Variants in MCF2L2 observed in about 807,000 individuals in gnomAD.
MCF2L2 encodes MCF.2 cell line derived transforming sequence-like 2.
Under a neutral mutation model 150.2 loss-of-function variants are expected in MCF2L2, and 102 were observed. The observed-to-expected ratio is 0.68, with a 90% CI of 0.58 to 0.80. MCF2L2 has a LOEUF of 0.80. Ranked by LOEUF, MCF2L2 falls within the 30% of genes least tolerant of loss-of-function variation. The probability of loss-of-function intolerance (pLI) is 0.00; values close to 1 mark genes in which losing one functional copy is unlikely to be tolerated. For synonymous variants in MCF2L2, 465 were observed against 491.3 expected, an observed-to-expected ratio of 0.95 and a Z score of 0.71; for missense variants, 1,256 against 1,372.8, an observed-to-expected ratio of 0.91 and a Z score of 1.34.
At chr3:183,356,399 G>T (rs1376287471) in intron 3 of MCF2L2, among the ~76,000 whole-genome samples, 1 of 152,116 alleles carries the variant, frequency 6.6e-6, no homozygotes, top group African/African-American at 2.4e-5. Context: ...TGTAGTCCCA[G>T]CTACTCAGGA....
rs556472105 is a variant in MCF2L2, at chr3:183,181,562, C to T, written c.3017-1403G>A. Among the ~76,000 whole-genome samples the T allele has an allele frequency of 1.3e-5, 2 of 152,270 alleles. No homozygotes were observed. The highest frequency in any genetic ancestry group is 4.1e-4 in the South Asian group (2 of 4,830). On this transcript the variant is annotated intron_variant, in intron 27 of 29. Transcript: ENST00000328913. The surrounding 1 kb of genome is among the most constrained non-coding windows in gnomAD (Gnocchi z 4.3). ...GAGCATCTAAGGAAACCCAAGACTC[C>T]TCTTTAGAGAAGTCATCCAGCCCTG...
At position 183,267,693 on chromosome 3, in the gene MCF2L2, A is replaced by C. The variant is rs1726295239; in HGVS notation, c.1862+9179T>G. 6.6e-6 allele frequency among the ~76,000 whole-genome samples: 1 copy of C among 152,216 alleles called. No individual in the cohort carries two copies. The highest frequency in any genetic ancestry group is 2.4e-5 in the African/African-American group (1 of 41,460). On this transcript the variant is annotated intron_variant, in intron 15 of 29. Coordinates refer to ENST00000328913, the MANE Select transcript of MCF2L2 (RefSeq NM_015078.4). The surrounding 1 kb of genome is among the most constrained non-coding windows in gnomAD (Gnocchi z 5.5). The stretch of plus-strand genomic sequence containing the variant: ...AGAGAGCCTACCTTTCCATCCAAGG[A>C]AGTGTTTTACCTGTGGTAAGCACGG...
chr3:183,269,772 CCTAA>C, intron 15 of MCF2L2: 1 of 1,572,576 alleles, frequency 6.4e-7, no homozygotes, highest in Non-Finnish European at 8.6e-7. Flanking sequence ...TAAAACTGAT[CCTAA>C]CTAAAAACAG....
At chr3:183,426,352 G>C (rs1438866286) in intron 1 of MCF2L2, among the ~76,000 whole-genome samples, 2 of 152,230 alleles carry the variant, frequency 1.3e-5, no homozygotes, top group Non-Finnish European at 2.9e-5. Flanking sequence ...GCTTCGCCCT[G>C]AGAGAGGCCC....
chr3:183,246,157 T>G lies in MCF2L2; in HGVS notation c.1863-15140A>C, dbSNP rs1012084443. Among the ~76,000 whole-genome samples the G allele has an allele frequency of 3.9e-5, 6 of 152,336 alleles. No individual in the cohort carries two copies. In the East Asian group the frequency reaches 5.8e-4, roughly 15 times the overall value. On this transcript the variant is annotated intron_variant, in intron 15 of 29. Coordinates refer to ENST00000328913, the MANE Select transcript of MCF2L2 (RefSeq NM_015078.4). Reference sequence around the variant, plus strand: ...AATAATGCTTGCATTTGTATGGCATTTTAGGTATTATAAAGTTTTTTTTAA... The same window carrying G: ...AATAATGCTTGCATTTGTATGGCATGTTAGGTATTATAAAGTTTTTTTTAA...
rs74808142 is a variant in MCF2L2, at chr3:183,278,805, A to G, written c.1777-1848T>C. ...GGAAAAATAACAATGATTCAGGAGT[A>G]GGTAATGGACCTTGTCATCTTTTAC... On this transcript the variant is annotated intron_variant, in intron 14 of 29. Coordinates refer to ENST00000328913, the MANE Select transcript of MCF2L2 (RefSeq NM_015078.4). Among the ~76,000 whole-genome samples the G allele has an allele frequency of 9.7e-3, 1,479 of 152,338 alleles. 21 individuals are homozygous for G. Among genetic ancestry groups the G allele is most frequent in the African/African-American group, 0.034 (1,399 of 41,582 alleles).
Position 183,252,772 on chromosome 3 carries a change from TTC to T in MCF2L2, c.1863-21757_1863-21756del, listed in dbSNP as rs557311428. On this transcript the variant is annotated intron_variant, in intron 15 of 29. Transcript: ENST00000328913. ...AAGTATTTGGGTTAATCTTTTGCTTTTCTGTCATGTTCTGAAATATGTACAAT... is the reference window on the plus strand; with the variant it reads ...AAGTATTTGGGTTAATCTTTTGCTTTTGTCATGTTCTGAAATATGTACAAT... 4.9e-4 allele frequency among the ~76,000 whole-genome samples: 75 copies of T among 152,354 alleles called. 1 individual carries two copies. The highest frequency in any genetic ancestry group is 1.6e-3 in the African/African-American group (67 of 41,584).
intron 15 of MCF2L2, among the ~76,000 whole-genome samples, chr3:183,250,168 C>T (rs1475883173): frequency 6.6e-6 from 1 of 152,184 alleles, no homozygotes; most frequent in African/African-American, 2.4e-5. Context: ...GCATTCAAGT[C>T]CTGTCCATTA....
chr3:183,311,496 G>A (rs1729375496), intron 8 of MCF2L2, 152 bp downstream of exon 8: 6 of 809,722 alleles, frequency 7.4e-6, no homozygotes, highest in South Asian at 3.6e-5. Context: ...CCAGACGGAC[G>A]TATTCTTTTT....
intron 27 of MCF2L2, chr3:183,180,447 CAG>C (rs1721481799): frequency 2.6e-6 from 1 of 391,424 alleles, no homozygotes; most frequent in Non-Finnish European, 4.6e-6. Flanking sequence ...TTGTGTTTGC[CAG>C]TCTTCTAACC....
At chr3:183,336,243 T>G (rs957453269) in intron 5 of MCF2L2, among the ~76,000 whole-genome samples, 3 of 152,102 alleles carry the variant, frequency 2.0e-5, no homozygotes, top group Non-Finnish European at 4.4e-5. Context: ...TAAGTATATA[T>G]AGAGAGAAGC....
At chr3:183,280,308 T>C (rs151255625) in intron 14 of MCF2L2, among the ~76,000 whole-genome samples, 56 of 152,332 alleles carry the variant, frequency 3.7e-4, no homozygotes, top group African/African-American at 1.3e-3. Context: ...CCTAGAGGAA[T>C]TTTGTAAAAA....
intron 15 of MCF2L2, among the ~76,000 whole-genome samples, chr3:183,240,410 G>C (rs1052897408): frequency 6.6e-6 from 1 of 152,084 alleles, no homozygotes; most frequent in African/African-American, 2.4e-5. Context: ...TTGTATTAGG[G>C]GTTTTACCAT....
Position 183,180,065 on chromosome 3 carries a change from A to G in MCF2L2, c.3105+6T>C. 2.5e-6 allele frequency: 4 copies of G among 1,608,832 alleles called. No homozygotes were observed. The highest frequency in any genetic ancestry group is 1.1e-5 in the South Asian group (1 of 90,962). ...AAGATGAAAGAAACAAAAGGGAAGTAATTACACTCAGAGCACTGCTCTCCT... is the reference window on the plus strand; with the variant it reads ...AAGATGAAAGAAACAAAAGGGAAGTGATTACACTCAGAGCACTGCTCTCCT... On this transcript the variant is annotated splice_donor_region_variant and intron_variant, in intron 28 of 29. Coordinates refer to ENST00000328913, the MANE Select transcript of MCF2L2 (RefSeq NM_015078.4).
At chr3:183,289,920 C>T (rs182628017) in intron 13 of MCF2L2, among the ~76,000 whole-genome samples, 1 of 152,296 alleles carries the variant, frequency 6.6e-6, no homozygotes, top group East Asian at 1.9e-4. Context: ...ATATTACAAA[C>T]TTTATGGATT....
chr3:183,222,504 C>T (rs899437967), intron 20 of MCF2L2, among the ~76,000 whole-genome samples: 5 of 151,844 alleles, frequency 3.3e-5, no homozygotes, highest in African/African-American at 1.2e-4. Flanking sequence ...GAACTGAGAT[C>T]GCGCCATTGC....
At chr3:183,390,724 T>C (rs886102336) in intron 1 of MCF2L2, among the ~76,000 whole-genome samples, 1 of 152,118 alleles carries the variant, frequency 6.6e-6, no homozygotes, top group African/African-American at 2.4e-5. Flanking sequence ...GAGTAAGATC[T>C]TGTCTCCACA....
intron 10 of MCF2L2, among the ~76,000 whole-genome samples, chr3:183,300,753 C>A (rs12106816): frequency 1.3e-5 from 2 of 151,646 alleles, no homozygotes; most frequent in South Asian, 4.1e-4. Flanking sequence ...GTGGTGGCTC[C>A]CACCTGTAAT....
At chr3:183,300,327 C>G (rs892920754) in intron 10 of MCF2L2, 131 bp from the exon 11 acceptor site, 10 of 801,864 alleles carry the variant, frequency 1.2e-5, no homozygotes, top group African/African-American at 1.2e-4. Context: ...GGCTGGAGAA[C>G]CTGAGAAAGC....
Sources: gnomAD v4.1 joint callset for allele counts (sites outside exome capture counted in the v4.1 genomes callset) on GRCh38, gnomAD v4.1.1 for gene constraint, Gnocchi (gnomAD v3.1) non-coding constraint, MANE v1.5 for transcripts, NCBI Gene and HGNC (gene_info 2026-07-23, HGNC 2026-07-21) for gene names.